The following ELMO1 variants were observed in gnomAD, a reference collection of about 807,000 sequenced individuals.
ELMO1 encodes engulfment and cell motility protein 1.
A neutral mutation model predicts 98.9 loss-of-function variants in ELMO1; 26 were observed. That is an observed-to-expected ratio of 0.26 (90% CI 0.19 to 0.36). ELMO1 has a LOEUF of 0.36. Among genes scored for constraint, ELMO1 ranks in the 10% least tolerant of loss-of-function variants. The pLI is 1.00. For synonymous variants in ELMO1, 346 were observed against 346.0 expected (o/e 1.00, Z 0.00); for missense variants, 627 against 935.2 (o/e 0.67, Z 4.30).
intron 1 of ELMO1, among the ~76,000 whole-genome samples, chr7:37,429,088 G>A (rs1465577929): frequency 2.0e-5 from 3 of 152,180 alleles, no homozygotes; most frequent in African/African-American, 7.2e-5. Flanking sequence ...AGGAGGTATG[G>A]AGAGGAAAAG....
chr7:37,258,129 G>A (rs1289093510), intron 6 of ELMO1, among the ~76,000 whole-genome samples: 2 of 152,154 alleles, frequency 1.3e-5, no homozygotes, highest in African/African-American at 4.8e-5. Context: ...TTAGCTAGGT[G>A]TGGTGGCATA....
chr7:37,184,908 A>C (rs1462065306), intron 13 of ELMO1, among the ~76,000 whole-genome samples: 2 of 152,196 alleles, frequency 1.3e-5, no homozygotes, highest in Non-Finnish European at 2.9e-5. Context: ...AAAAGAAAAA[A>C]AAAAGTCCAT....
At chr7:37,358,483 G>C (rs769187682) in intron 1 of ELMO1, among the ~76,000 whole-genome samples, 1 of 152,140 alleles carries the variant, frequency 6.6e-6, no homozygotes, top group African/African-American at 2.4e-5. Flanking sequence ...TTATTGCCCA[G>C]AAAAATACCA....
intron 13 of ELMO1, among the ~76,000 whole-genome samples, chr7:37,142,219 C>T (rs1787687952): frequency 6.6e-6 from 1 of 152,110 alleles, no homozygotes; most frequent in Non-Finnish European, 1.5e-5. Flanking sequence ...AGTAACTTGC[C>T]ATTAAATATT....
At chr7:37,173,835 C>A (rs1005780470) in intron 13 of ELMO1, among the ~76,000 whole-genome samples, 2 of 152,210 alleles carry the variant, frequency 1.3e-5, no homozygotes, top group Non-Finnish European at 2.9e-5. Context: ...AGTGTCTGCT[C>A]GGCTGGCTTT....
chr7:37,192,741 T>C (rs767322708), intron 13 of ELMO1, among the ~76,000 whole-genome samples: 15 of 139,860 alleles, frequency 1.1e-4, no homozygotes, highest in Non-Finnish European at 2.0e-4. Flanking sequence ...GAGGTTGCAG[T>C]GAGCCAGGAT....
intron 5 of ELMO1, among the ~76,000 whole-genome samples, chr7:37,267,408 C>A (rs148248394): frequency 5.6e-4 from 86 of 152,358 alleles, no homozygotes; most frequent in African/African-American, 1.9e-3. Context: ...TTTTTGATCA[C>A]TAAAAACAAT....
In ELMO1 at chr7:37,247,245, A is replaced by G. The variant is rs531325494; in HGVS notation, c.414-2854T>C. Among the ~76,000 whole-genome samples, 6 of 152,338 alleles carry G rather than the reference A, an allele frequency of 3.9e-5. No homozygotes were observed. In the East Asian group the frequency reaches 9.6e-4, roughly 24 times the overall value. ...AAAGGTTGGGAGTTTTATTAGAAAT[A>G]GGAATGTTACCTACGGTTTTGAAAG... is the stretch of plus-strand genomic sequence containing the variant. On this transcript the variant is annotated intron_variant, in intron 6 of 21. Coordinates refer to ENST00000310758, the MANE Select transcript of ELMO1 (RefSeq NM_014800.11).
chr7:37,377,669 G>C (rs1802408899), intron 1 of ELMO1, among the ~76,000 whole-genome samples: 1 of 152,060 alleles, frequency 6.6e-6, no homozygotes, highest in Non-Finnish European at 1.5e-5. Context: ...AGCAAATTTA[G>C]GGTCTGAAGG....
intron 19 of ELMO1, 140 bp downstream of exon 19, chr7:36,877,870 T>A (rs1295832548): frequency 3.2e-6 from 2 of 625,212 alleles, no homozygotes; most frequent in Non-Finnish European, 5.7e-6. Context: ...CTTGATGAGA[T>A]GGCTCAGGCG....
At chr7:37,154,983 G>T (rs1040081706) in intron 13 of ELMO1, among the ~76,000 whole-genome samples, 1 of 152,202 alleles carries the variant, frequency 6.6e-6, no homozygotes, top group African/African-American at 2.4e-5. Flanking sequence ...AACCCTACAA[G>T]CCAGAAGAGA....
intron 13 of ELMO1, among the ~76,000 whole-genome samples, chr7:37,167,795 G>A (rs1234756546): frequency 4.7e-5 from 7 of 150,098 alleles, no homozygotes; most frequent in African/African-American, 1.7e-4. Flanking sequence ...TTCAACTTTG[G>A]TGAATCTGAC....
At chr7:37,086,359 T>C (rs971419086) in intron 15 of ELMO1, among the ~76,000 whole-genome samples, 18 of 151,664 alleles carry the variant, frequency 1.2e-4, no homozygotes, top group African/African-American at 4.4e-4. Context: ...TGTGTGTGTG[T>C]GTGTGTGTGA....
At chr7:37,263,754 G>A (rs945480537) in intron 5 of ELMO1, among the ~76,000 whole-genome samples, 1 of 152,192 alleles carries the variant, frequency 6.6e-6, no homozygotes, top group Non-Finnish European at 1.5e-5. Flanking sequence ...GGAGAGAAAG[G>A]AGAGGACTGA....
chr7:36,998,914 G>A (rs954676180), intron 16 of ELMO1, among the ~76,000 whole-genome samples: 4 of 151,978 alleles, frequency 2.6e-5, no homozygotes, highest in Admixed American at 2.0e-4. Context: ...AGGTGAATAG[G>A]GGGTTGAGAA....
intron 4 of ELMO1, among the ~76,000 whole-genome samples, chr7:37,308,405 T>C (rs1798724449): frequency 6.6e-6 from 1 of 152,208 alleles, no homozygotes; most frequent in African/African-American, 2.4e-5. Context: ...TGGATGGTCC[T>C]ACGCTGGCTT....
In ELMO1 at chr7:37,224,896, G is replaced by A. The variant is rs1196827793; in HGVS notation, c.684C>T (p.Leu228=). The A allele has an allele frequency of 1.2e-6, 2 of 1,614,024 alleles. No individual in the cohort carries two copies. Among genetic ancestry groups the A allele is most frequent in the South Asian group, 1.1e-5 (1 of 91,074 alleles). Residue 228 remains leucine (L), a synonymous_variant, in exon 9 of 22, where the codon CTC becomes CTT. Coordinates refer to ENST00000310758, the MANE Select transcript of ELMO1 (RefSeq NM_014800.11). ...ATGCTTACCCTTGCAGGTGTGGAAT[G>A]AGCTGGCCGATGGTGATCTCCTGCG... is the stretch of plus-strand genomic sequence containing the variant. ...KVAQEITIGQ[L]IPHLQGSDQE...
intron 13 of ELMO1, among the ~76,000 whole-genome samples, chr7:37,182,530 G>A (rs1461298852): frequency 7.2e-6 from 1 of 137,960 alleles, no homozygotes; most frequent in Non-Finnish European, 1.5e-5. Context: ...GAGTGCAATG[G>A]CACGATCGGT....
At chr7:37,157,134 C>G (rs1006296879) in intron 13 of ELMO1, among the ~76,000 whole-genome samples, 5 of 152,168 alleles carry the variant, frequency 3.3e-5, no homozygotes, top group Non-Finnish European at 5.9e-5. Flanking sequence ...GCTAAAAACT[C>G]TCAATAAAAT....
Sources: allele counts gnomAD v4.1 joint callset (sites outside exome capture counted in the v4.1 genomes callset), GRCh38; gene constraint gnomAD v4.1.1; transcripts MANE v1.5; gene names NCBI Gene and HGNC (gene_info 2026-07-23, HGNC 2026-07-21).